The following OLFML1 variants were observed in gnomAD, a reference collection of about 807,000 sequenced individuals.
OLFML1 encodes olfactomedin like 1.
Under a neutral mutation model 37.3 loss-of-function variants are expected in OLFML1, and 33 were observed. That is an observed-to-expected ratio of 0.88 (90% CI 0.67 to 1.18). OLFML1 has a LOEUF of 1.18. Among genes scored for constraint, OLFML1 ranks in the 50% most tolerant of loss-of-function variants. OLFML1 has a pLI of 0.00. For missense variants in OLFML1, 545 were observed against 483.7 expected (o/e 1.13, Z -1.19); for synonymous variants, 186 against 181.3 (o/e 1.03, Z -0.21).
intron 2 of OLFML1, among the ~76,000 whole-genome samples, chr11:7,496,595 G>A (rs1848664667): frequency 6.6e-6 from 1 of 152,066 alleles, no homozygotes. Context: ...AGAATCCATG[G>A]GGAAACATCA....
At position 7,485,773 on chromosome 11, in the gene OLFML1, T is replaced by G. The variant is rs1848512890; in HGVS notation, c.-103T>G. The G allele has an allele frequency of 8.2e-7, 1 of 1,224,574 alleles. No homozygotes were observed. Among genetic ancestry groups the G allele is most frequent in the Non-Finnish European group, 1.2e-6 (1 of 866,272 alleles). 75.9% of individuals were successfully genotyped at this position (1,224,574 alleles called of 1,614,324 possible). The stretch of plus-strand genomic sequence containing the variant: ...GTGCAAAACGCTGTTTTTAGAGGAT[T>G]TGCCACAGCAGCGGATAGAGCAGGA... On this transcript the variant is annotated 5_prime_UTR_variant, in exon 1 of 3. It adds an upstream start codon to the 5' untranslated region. Transcript: ENST00000329293.
In OLFML1 at chr11:7,485,802, C is replaced by T; in HGVS notation, c.-74C>T. 4 of 1,477,112 alleles carry T rather than the reference C, an allele frequency of 2.7e-6. No individual in the cohort carries two copies. The highest frequency in any genetic ancestry group is 3.7e-6 in the Non-Finnish European group (4 of 1,072,926). The allele number at this position is 1,477,112 out of a possible 1,614,324, so 91.5% of individuals were successfully genotyped here. A position where few individuals can be genotyped will look rare whatever the true frequency, so the allele number is the denominator to read the frequency against. ...CACAGCAGCGGATAGAGCAGGAGAG[C>T]ACCACCGGAGCCCTTGAGACATCCT... On this transcript the variant is annotated 5_prime_UTR_variant, in exon 1 of 3. Transcript: ENST00000329293.
At chr11:7,486,359 A>G (rs1848523493) in intron 1 of OLFML1, among the ~76,000 whole-genome samples, 1 of 152,228 alleles carries the variant, frequency 6.6e-6, no homozygotes, top group South Asian at 2.1e-4. Flanking sequence ...ATTATTCACC[A>G]TAGTTCATTT....
Position 7,486,581 on chromosome 11 carries a change from A to G in OLFML1, c.129+577A>G, listed in dbSNP as rs538136691. 2.6e-4 allele frequency among the ~76,000 whole-genome samples: 40 copies of G among 152,354 alleles called. 1 individual carries two copies. The highest frequency in any genetic ancestry group is 8.9e-4 in the African/African-American group (37 of 41,580). On this transcript the variant is annotated intron_variant, in intron 1 of 2. Coordinates refer to ENST00000329293, the MANE Select transcript of OLFML1 (RefSeq NM_198474.4). ...TGAGCAGATTTCAGCCAAGTTAAAC[A>G]GAAAGAATGCATTTGGGCTGCCACC...
chr11:7,498,066 T>G (rs1461544855), intron 2 of OLFML1, among the ~76,000 whole-genome samples: 1 of 152,224 alleles, frequency 6.6e-6, no homozygotes, highest in Non-Finnish European at 1.5e-5. Flanking sequence ...CTAATTGGTT[T>G]CTGAGTTTGG....
chr11:7,498,191 A>T (rs1848684803), intron 2 of OLFML1, among the ~76,000 whole-genome samples: 1 of 152,278 alleles, frequency 6.6e-6, no homozygotes, highest in Admixed American at 6.5e-5. Flanking sequence ...ATTCTAGTTC[A>T]GCATAATAAC....
chr11:7,486,452 G>A (rs112026570), intron 1 of OLFML1, among the ~76,000 whole-genome samples: 5 of 152,028 alleles, frequency 3.3e-5, no homozygotes, highest in East Asian at 1.9e-4. Flanking sequence ...TCAGCTTTTC[G>A]TTTTGTCTTT....
chr11:7,492,007 C>T (rs1307753589), intron 2 of OLFML1, among the ~76,000 whole-genome samples: 1 of 152,188 alleles, frequency 6.6e-6, no homozygotes, highest in Non-Finnish European at 1.5e-5. Flanking sequence ...AAAATTCCTT[C>T]ACCTTTGTCT....
intron 2 of OLFML1, among the ~76,000 whole-genome samples, chr11:7,508,107 T>C (rs912517752): frequency 5.9e-5 from 9 of 151,938 alleles, no homozygotes; most frequent in Non-Finnish European, 8.8e-5. Context: ...GAAAAGAAAA[T>C]AGATATACGG....
Position 7,510,068 on chromosome 11 carries a change from G to A in OLFML1, c.1089G>A (p.Lys363=). 1 of 1,614,210 alleles carries A rather than the reference G, an allele frequency of 6.2e-7. No individual in the cohort carries two copies. The change falls in exon 3 of 3, where the codon AAG becomes AAA. Residue 363 remains lysine (K), a synonymous_variant. Coordinates refer to ENST00000329293, the MANE Select transcript of OLFML1 (RefSeq NM_198474.4). ...EEDLPNLFFP[K]RPRSHSMIHY... ...ACTTGCCCAACTTGTTCTTCCCCAA[G>A]AGACCAAGAAGTCACTCCATGATCC...
intron 1 of OLFML1, 101 bp downstream of exon 1, chr11:7,486,105 A>G: frequency 8.6e-7 from 1 of 1,163,102 alleles, no homozygotes; most frequent in Non-Finnish European, 1.2e-6. Context: ...TTTCCCAGAT[A>G]GCAAATGACA....
chr11:7,495,635 A>C (rs1018671252), intron 2 of OLFML1, among the ~76,000 whole-genome samples: 1 of 152,088 alleles, frequency 6.6e-6, no homozygotes. Flanking sequence ...TGCATGCCTG[A>C]GTCATTTATG....
chr11:7,492,908 A>G (rs542748430), intron 2 of OLFML1, among the ~76,000 whole-genome samples: 2 of 152,316 alleles, frequency 1.3e-5, no homozygotes, highest in South Asian at 4.1e-4. Flanking sequence ...AATTTATGAC[A>G]AAGAATCATT....
At chr11:7,486,067 C>T (rs1848518992) in intron 1 of OLFML1, 63 bp downstream of exon 1, 1 of 1,498,494 alleles carries the variant, frequency 6.7e-7, no homozygotes, top group Admixed American at 1.8e-5. Flanking sequence ...TATTTTTACC[C>T]ATGCTTCTCT....
intron 2 of OLFML1, among the ~76,000 whole-genome samples, chr11:7,491,150 T>C (rs1848592391): frequency 6.6e-6 from 1 of 150,580 alleles, no homozygotes; most frequent in African/African-American, 2.4e-5. Flanking sequence ...TATTTATATA[T>C]TTTTTCCTAG....
At chr11:7,491,672 T>G (rs1848599665) in intron 2 of OLFML1, among the ~76,000 whole-genome samples, 1 of 152,250 alleles carries the variant, frequency 6.6e-6, no homozygotes, top group Non-Finnish European at 1.5e-5. Context: ...TCAGTTCTCA[T>G]GCTATACAAC....
rs1189271326 is a variant in OLFML1 at position 7,511,223 on chromosome 11, C to T, written c.*1035C>T. On this transcript the variant is annotated 3_prime_UTR_variant, in exon 3 of 3. Coordinates refer to ENST00000329293, the MANE Select transcript of OLFML1 (RefSeq NM_198474.4). ...CAATAGGCCTTTCAAATGATAATTC[C>T]TCCAGAAAACCAGTCTAAGGGTGAG... 6.6e-6 allele frequency: 1 copy of T among 152,210 alleles called. No individual in the cohort carries two copies. The highest frequency in any genetic ancestry group is 2.4e-5 in the African/African-American group (1 of 41,450). 9.4% of individuals were successfully genotyped at this position (152,210 alleles called of 1,614,324 possible).
intron 2 of OLFML1, 109 bp from the exon 3 acceptor site, chr11:7,509,289 C>T (rs980253098): frequency 1.3e-6 from 1 of 757,250 alleles, no homozygotes; most frequent in Middle Eastern, 2.7e-4. Flanking sequence ...TATTCCCCAT[C>T]AGTATTAGAC....
Position 7,510,378 on chromosome 11 carries a change from A to C in OLFML1, c.*190A>C. 3.5e-6 allele frequency: 2 copies of C among 564,760 alleles called. No individual in the cohort carries two copies. The highest frequency in any genetic ancestry group is 6.2e-6 in the Non-Finnish European group (2 of 322,998). The allele number at this position is 564,760 out of a possible 1,614,324, so 35.0% of individuals were successfully genotyped here. ...ATCTTCCAAGAGCTTAGATGAGAGC[A>C]TATCATCAGGAAAGTTTCAACAATG... On this transcript the variant is annotated 3_prime_UTR_variant, in exon 3 of 3. Transcript: ENST00000329293.
Sources: gnomAD v4.1 joint callset for allele counts (sites outside exome capture counted in the v4.1 genomes callset) on GRCh38, gnomAD v4.1.1 for gene constraint, MANE v1.5 for transcripts, NCBI Gene and HGNC (gene_info 2026-07-23, HGNC 2026-07-21) for gene names.